HUNK: variants seen among roughly 807,000 people sequenced by gnomAD.
HUNK encodes the protein hormonally up-regulated Neu-associated kinase.
A neutral mutation model predicts 61.0 loss-of-function variants in HUNK; 21 were observed. The ratio of observed to expected loss-of-function variants is 0.34; its 90% CI spans 0.24 to 0.50. The LOEUF (loss-of-function observed/expected upper bound fraction) is 0.50. Ranked by LOEUF, HUNK falls within the 20% of genes least tolerant of loss-of-function variation. HUNK has a pLI of 0.98. For synonymous variants in HUNK, 371 were observed against 386.1 expected (o/e 0.96, Z 0.46); for missense variants, 772 against 945.7 (o/e 0.82, Z 2.41).
chr21:31,972,475 G>A (rs984496111), intron 6 of HUNK, among the ~76,000 whole-genome samples: 4 of 152,074 alleles, frequency 2.6e-5, no homozygotes, highest in Admixed American at 1.3e-4. Context: ...GGCAGAGCTC[G>A]TTTTTGAAGA....
chr21:31,914,554 G>A (rs1568923988), intron 1 of HUNK, among the ~76,000 whole-genome samples: 1 of 152,038 alleles, frequency 6.6e-6, no homozygotes, highest in African/African-American at 2.4e-5. Flanking sequence ...GCCTGCTCAG[G>A]CTGCCACAAC....
At chr21:31,995,158 C>CA (rs34858300) in intron 9 of HUNK, among the ~76,000 whole-genome samples, 3,180 of 73,546 alleles carry the variant, frequency 0.043, 206 homozygotes, top group African/African-American at 0.16. Context: ...GACCCTGCCT[C>CA]AAAAAAAAAA....
intron 1 of HUNK, among the ~76,000 whole-genome samples, chr21:31,875,325 A>T (rs991478836): frequency 6.6e-6 from 1 of 152,084 alleles, no homozygotes; most frequent in South Asian, 2.1e-4. Flanking sequence ...TTGCCTGTGA[A>T]TGCAGGTCTC....
At chr21:31,955,319 C>T (rs1025900794) in intron 4 of HUNK, among the ~76,000 whole-genome samples, 21 of 664 alleles carry the variant, frequency 0.032, no homozygotes, top group African/African-American at 0.066. Context: ...GGGCCGGGCG[C>T]GGTGCTCACG....
intron 1 of HUNK, among the ~76,000 whole-genome samples, chr21:31,919,770 A>G (rs1356910340): frequency 2.0e-5 from 3 of 152,202 alleles, no homozygotes; most frequent in African/African-American, 7.2e-5. Context: ...AGGAATTGTC[A>G]GAGGCTCCTG....
In HUNK at chr21:32,000,911, G is replaced by C; in HGVS notation, c.*1727G>C. ...TCTAGGGCATTCTAGGATGAGGTCA[G>C]ACCCCTTGGCCATTGGTGTTATTTT... is the stretch of plus-strand genomic sequence containing the variant. On this transcript the variant is annotated 3_prime_UTR_variant, in exon 11 of 11. Coordinates refer to ENST00000270112, the MANE Select transcript of HUNK (RefSeq NM_014586.2). 5.0e-6 allele frequency: 2 copies of C among 397,094 alleles called. No individual in the cohort carries two copies. The highest frequency in any genetic ancestry group is 4.4e-6 in the Non-Finnish European group (1 of 225,736). 24.6% of individuals were successfully genotyped at this position (397,094 alleles called of 1,614,324 possible).
At chr21:31,874,542 A>G (rs1194487404) in intron 1 of HUNK, among the ~76,000 whole-genome samples, 3 of 151,762 alleles carry the variant, frequency 2.0e-5, no homozygotes, top group Non-Finnish European at 4.4e-5. Context: ...CCACTTGTCC[A>G]TCCCTCAACC....
Position 31,949,441 on chromosome 21 carries a change from T to C in HUNK, c.746+3270T>C, listed in dbSNP as rs539918774. 2.0e-5 allele frequency among the ~76,000 whole-genome samples: 3 copies of C among 152,256 alleles called. No individual in the cohort carries two copies. In the East Asian group the frequency reaches 5.8e-4, roughly 29 times the overall value. ...TCCAACCCTTAAGAACTCTCAAAGG[T>C]GTCTGGCACACTGTCTTCCCTCAAT... On this transcript the variant is annotated intron_variant, in intron 4 of 10. Transcript: ENST00000270112.
intron 1 of HUNK, among the ~76,000 whole-genome samples, chr21:31,911,046 T>C (rs1467779022): frequency 6.6e-6 from 1 of 152,322 alleles, no homozygotes; most frequent in South Asian, 2.1e-4. Flanking sequence ...TACAATCACA[T>C]TGGGGCTGGA....
intron 4 of HUNK, among the ~76,000 whole-genome samples, chr21:31,952,262 A>C (rs1305013029): frequency 6.6e-6 from 1 of 152,068 alleles, no homozygotes; most frequent in Non-Finnish European, 1.5e-5. Context: ...ATATTATTAA[A>C]AGTTGATACT....
chr21:31,929,118 T>C, intron 2 of HUNK, among the ~76,000 whole-genome samples: 1 of 152,176 alleles, frequency 6.6e-6, no homozygotes, highest in East Asian at 1.9e-4. Flanking sequence ...ATTATGTTAT[T>C]ATGTCATAAT....
intron 4 of HUNK, among the ~76,000 whole-genome samples, chr21:31,952,472 C>T (rs566134610): frequency 7.9e-5 from 12 of 152,224 alleles, no homozygotes; most frequent in East Asian, 1.9e-4. Flanking sequence ...CTCCACCTGC[C>T]GGGGTGGCTC....
intron 1 of HUNK, among the ~76,000 whole-genome samples, chr21:31,884,971 T>G (rs2052335488): frequency 6.6e-6 from 1 of 151,820 alleles, no homozygotes; most frequent in African/African-American, 2.4e-5. Flanking sequence ...AGAAATGGGG[T>G]TTTGCCTTGT....
At chr21:31,893,761 C>T (rs1286203258) in intron 1 of HUNK, among the ~76,000 whole-genome samples, 1 of 152,160 alleles carries the variant, frequency 6.6e-6, no homozygotes, top group Non-Finnish European at 1.5e-5. Flanking sequence ...ATTAATTCTC[C>T]ATGTTTTTGA....
At chr21:31,957,186 A>G (rs2052895228) in intron 4 of HUNK, among the ~76,000 whole-genome samples, 2 of 151,942 alleles carry the variant, frequency 1.3e-5, no homozygotes, top group Admixed American at 6.6e-5. Context: ...GTGCTCATCT[A>G]TTTGTTTGCA....
chr21:31,994,612 G>T (rs912401623), intron 9 of HUNK, among the ~76,000 whole-genome samples: 1 of 152,162 alleles, frequency 6.6e-6, no homozygotes, highest in African/African-American at 2.4e-5. Flanking sequence ...AGGCTTTAGG[G>T]CTGGAAAAAG....
At chr21:31,980,715 T>C (rs1356013550) in intron 7 of HUNK, among the ~76,000 whole-genome samples, 3 of 151,520 alleles carry the variant, frequency 2.0e-5, no homozygotes, top group Non-Finnish European at 4.4e-5. Context: ...AGTCTTTTTT[T>C]CTTTTTGAGA....
At chr21:31,926,602 G>A (rs1230947111) in intron 2 of HUNK, among the ~76,000 whole-genome samples, 2 of 151,988 alleles carry the variant, frequency 1.3e-5, no homozygotes, top group South Asian at 2.1e-4. Flanking sequence ...TATAATACCC[G>A]GTCTTTTGTG....
intron 1 of HUNK, among the ~76,000 whole-genome samples, chr21:31,905,803 G>A (rs1255028165): frequency 1.3e-5 from 2 of 152,248 alleles, no homozygotes; most frequent in Admixed American, 1.3e-4. Context: ...ATGGGGGCTA[G>A]CCCCGATGTT....
Sources: allele counts gnomAD v4.1 joint callset (sites outside exome capture counted in the v4.1 genomes callset), GRCh38; gene constraint gnomAD v4.1.1; transcripts MANE v1.5; gene names NCBI Gene and HGNC (gene_info 2026-07-23, HGNC 2026-07-21).